The following ST6GALNAC5 variants were observed in gnomAD, a reference collection of about 807,000 sequenced individuals.
ST6GALNAC5 encodes alpha-N-acetylgalactosaminide alpha-2,6-sialyltransferase 5.
In ST6GALNAC5, 27 loss-of-function variants were observed where a neutral mutation model predicts 33.6. The observed-to-expected ratio is 0.80, with a 90% CI of 0.59 to 1.11. The LOEUF is 1.11. Ranked by LOEUF, ST6GALNAC5 falls within the 50% of genes least tolerant of loss-of-function variation. ST6GALNAC5 has a pLI of 0.00. For missense variants in ST6GALNAC5, 428 were observed against 454.0 expected, an observed-to-expected ratio of 0.94 and a Z score of 0.52; for synonymous variants, 194 against 171.2, an observed-to-expected ratio of 1.13 and a Z score of -1.04.
intron 2 of ST6GALNAC5, among the ~76,000 whole-genome samples, chr1:76,928,121 C>T (rs1335204095): frequency 2.0e-5 from 3 of 152,080 alleles, no homozygotes; most frequent in Admixed American, 2.0e-4. Flanking sequence ...CAACAGTTTG[C>T]ATTGTGGGAC....
chr1:77,021,629 A>G (rs145975436), intron 2 of ST6GALNAC5, among the ~76,000 whole-genome samples: 1,873 of 152,192 alleles, frequency 0.012, 43 homozygotes, highest in Admixed American at 0.056. Context: ...CATCAATATG[A>G]TACATTGCAC....
chr1:77,044,299 T>C lies in ST6GALNAC5; in HGVS notation c.357T>C (p.Cys119=), dbSNP rs147610766. The C allele has an allele frequency of 1.5e-5, 25 of 1,614,010 alleles. No homozygotes were observed. The African/African-American group carries it at 2.7e-4, about 17-fold the overall frequency. ...RQGSQIDQTE[C]VIRMNDAPTR... is the part of the protein sequence containing the mutation. The stretch of plus-strand genomic sequence containing the variant: ...GCTCCCAGATTGACCAGACAGAGTG[T>C]GTCATCCGCATGAATGACGCCCCCA... Residue 119 remains cysteine, a synonymous_variant, in exon 3 of 5, where the codon TGT becomes TGC. Transcript: ENST00000477717.
At chr1:76,906,350 G>A (rs1646864026) in intron 2 of ST6GALNAC5, among the ~76,000 whole-genome samples, 1 of 152,090 alleles carries the variant, frequency 6.6e-6, no homozygotes, top group Non-Finnish European at 1.5e-5. Context: ...ATTTTTCAAG[G>A]ATCATTTCCT....
At chr1:76,984,798 A>G (rs1395216807) in intron 2 of ST6GALNAC5, among the ~76,000 whole-genome samples, 1 of 152,240 alleles carries the variant, frequency 6.6e-6, no homozygotes, top group Non-Finnish European at 1.5e-5. Flanking sequence ...ACAACAGCAC[A>G]TCAAAAAGCT....
intron 2 of ST6GALNAC5, among the ~76,000 whole-genome samples, chr1:76,968,448 T>A (rs1648593100): frequency 6.6e-6 from 1 of 152,176 alleles, no homozygotes; most frequent in African/African-American, 2.4e-5. Flanking sequence ...TCTTCCTCCA[T>A]CCCTTTATTT....
At chr1:76,902,544 T>C (rs1250185650) in intron 2 of ST6GALNAC5, among the ~76,000 whole-genome samples, 1 of 152,150 alleles carries the variant, frequency 6.6e-6, no homozygotes, top group Non-Finnish European at 1.5e-5. Flanking sequence ...CCAAAATTCA[T>C]ATGGAATTGC....
intron 2 of ST6GALNAC5, among the ~76,000 whole-genome samples, chr1:76,965,954 C>T (rs948531946): frequency 4.6e-5 from 7 of 152,140 alleles, no homozygotes; most frequent in Non-Finnish European, 8.8e-5. Flanking sequence ...CTGTTCTGCT[C>T]CATTGGTCTA....
chr1:76,982,463 C>A (rs1649297431), intron 2 of ST6GALNAC5, among the ~76,000 whole-genome samples: 1 of 151,786 alleles, frequency 6.6e-6, no homozygotes. Flanking sequence ...AAGGTTAGAG[C>A]AAAAAGAGTA....
intron 2 of ST6GALNAC5, among the ~76,000 whole-genome samples, chr1:76,912,367 G>C (rs1321106658): frequency 2.6e-5 from 4 of 152,102 alleles, no homozygotes; most frequent in African/African-American, 4.8e-5. Context: ...TTTTGGAATA[G>C]GTATGGTGTG....
At chr1:77,046,729 T>A (rs1652023317) in intron 3 of ST6GALNAC5, among the ~76,000 whole-genome samples, 1 of 152,350 alleles carries the variant, frequency 6.6e-6, no homozygotes, top group African/African-American at 2.4e-5. Context: ...CATTTTTTAC[T>A]TGTTGGAAAA....
rs66721550 is a variant in ST6GALNAC5, at chr1:76,872,068, AACACACACACAC to A, written c.261+3365_261+3376del. Among the ~76,000 whole-genome samples the A allele has an allele frequency of 4.8e-3, 624 of 130,294 alleles. 6 individuals are homozygous for A. Among genetic ancestry groups the A allele is most frequent in the African/African-American group, 0.015 (517 of 34,338 alleles). The allele number at this position is 130,294 out of a possible 152,430, so 85.5% of individuals were successfully genotyped here. A position where few individuals can be genotyped will look rare whatever the true frequency, so the allele number is the denominator to read the frequency against. The stretch of plus-strand genomic sequence containing the variant: ...CTGTAGCCTAATGTATAACCAAGCT[AACACACACACAC>A]ACACACACACACACACACACACACA... On this transcript the variant is annotated intron_variant, in intron 2 of 4. Transcript: ENST00000477717.
At chr1:77,058,928 A>T (rs913244754) in intron 4 of ST6GALNAC5, among the ~76,000 whole-genome samples, 1 of 152,234 alleles carries the variant, frequency 6.6e-6, no homozygotes, top group African/African-American at 2.4e-5. Context: ...AGATCACATC[A>T]GTTAAGCGCA....
intron 4 of ST6GALNAC5, among the ~76,000 whole-genome samples, chr1:77,051,841 C>T (rs1652229856): frequency 6.6e-6 from 1 of 152,088 alleles, no homozygotes; most frequent in Admixed American, 6.6e-5. Flanking sequence ...GATGGGTATA[C>T]AGCAGATATA....
Position 76,959,443 on chromosome 1 carries a change from C to T in ST6GALNAC5, c.262-84761C>T, listed in dbSNP as rs185410284. 7.4e-4 allele frequency among the ~76,000 whole-genome samples: 113 copies of T among 152,154 alleles called. 1 individual carries two copies. Among genetic ancestry groups the T allele is most frequent in the African/African-American group, 2.6e-3 (106 of 41,540 alleles). On this transcript the variant is annotated intron_variant, in intron 2 of 4. Transcript: ENST00000477717. Reference sequence around the variant, plus strand: ...TTTGCTTTGGCTTGTTTATCTAGACCTTCTGTTCTTGCCTATGGGCACAAT... The same window carrying T: ...TTTGCTTTGGCTTGTTTATCTAGACTTTCTGTTCTTGCCTATGGGCACAAT...
In ST6GALNAC5 at chr1:76,867,666, G is replaced by C; in HGVS notation, c.-10G>C. 2 of 1,614,130 alleles carry C rather than the reference G, an allele frequency of 1.2e-6. No homozygotes were observed. The highest frequency in any genetic ancestry group is 1.7e-6 in the Non-Finnish European group (2 of 1,180,020). ...GAGCCTGAGGATTCTGCACAAAAGA[G>C]GTGCCCAAAATGAAGACCCTGATGG... On this transcript the variant is annotated 5_prime_UTR_variant, in exon 1 of 5. Coordinates refer to ENST00000477717, the MANE Select transcript of ST6GALNAC5 (RefSeq NM_030965.3).
At chr1:76,945,711 G>T (rs1647494614) in intron 2 of ST6GALNAC5, among the ~76,000 whole-genome samples, 1 of 152,076 alleles carries the variant, frequency 6.6e-6, no homozygotes. Flanking sequence ...GAACTAATTA[G>T]CAAGTTTCCC....
At chr1:76,999,485 G>GTT (rs1422364823) in intron 2 of ST6GALNAC5, among the ~76,000 whole-genome samples, 3 of 138,736 alleles carry the variant, frequency 2.2e-5, no homozygotes, top group East Asian at 4.1e-4. Flanking sequence ...GTTTGGGTTT[G>GTT]TTTTTTTTTT....
intron 2 of ST6GALNAC5, among the ~76,000 whole-genome samples, chr1:76,978,587 C>A (rs149890880): frequency 4.9e-4 from 75 of 152,230 alleles, no homozygotes; most frequent in African/African-American, 1.6e-3. Context: ...CCTTTAACGA[C>A]AAAAACTCTT....
At chr1:76,946,234 C>G (rs866042254) in intron 2 of ST6GALNAC5, among the ~76,000 whole-genome samples, 1 of 152,134 alleles carries the variant, frequency 6.6e-6, no homozygotes, top group Non-Finnish European at 1.5e-5. Flanking sequence ...ATACACTTTA[C>G]CTCCACTATT....
Sources: gnomAD v4.1 joint callset for allele counts (sites outside exome capture counted in the v4.1 genomes callset) on GRCh38, gnomAD v4.1.1 for gene constraint, MANE v1.5 for transcripts, NCBI Gene and HGNC (gene_info 2026-07-23, HGNC 2026-07-21) for gene names.